BEND3: variants seen among roughly 807,000 people sequenced by gnomAD.
BEND3 encodes the protein BEN domain-containing protein 3.
Under a neutral mutation model 60.1 loss-of-function variants are expected in BEND3, and 13 were observed. The ratio of observed to expected loss-of-function variants is 0.22; its 90% CI spans 0.14 to 0.34. The LOEUF is 0.34. Among genes scored for constraint, BEND3 ranks in the 10% least tolerant of loss-of-function variants. BEND3 has a pLI of 1.00. For synonymous variants in BEND3, 497 were observed against 491.5 expected (o/e 1.01, Z -0.15); for missense variants, 896 against 1,138.1 (o/e 0.79, Z 3.06).
chr6:107,080,462 A>G (rs1026640476), intron 3 of BEND3, among the ~76,000 whole-genome samples: 3 of 152,066 alleles, frequency 2.0e-5, no homozygotes, highest in Admixed American at 6.6e-5. Context: ...GTCACCATAT[A>G]TATCTTAGAA....
intron 1 of BEND3, among the ~76,000 whole-genome samples, chr6:107,112,135 T>A (rs1770117232): frequency 6.6e-6 from 1 of 152,230 alleles, no homozygotes; most frequent in Admixed American, 6.5e-5. Context: ...TTTAAACTTT[T>A]CATCATGGTG....
At chr6:107,073,217 A>G (rs1178270826) in intron 3 of BEND3, among the ~76,000 whole-genome samples, 10 of 6,342 alleles carry the variant, frequency 1.6e-3, no homozygotes, top group Admixed American at 2.6e-3. Flanking sequence ...ATATATATAT[A>G]TATATATATA....
intron 3 of BEND3, among the ~76,000 whole-genome samples, chr6:107,078,041 T>C (rs1164214008): frequency 2.0e-5 from 3 of 152,222 alleles, no homozygotes; most frequent in African/African-American, 4.8e-5. Flanking sequence ...ATAAAAACTT[T>C]GGCTATGCAC....
intron 1 of BEND3, among the ~76,000 whole-genome samples, chr6:107,110,382 G>A (rs1775915173): frequency 6.6e-6 from 1 of 152,162 alleles, no homozygotes; most frequent in Non-Finnish European, 1.5e-5. Flanking sequence ...GGGAACTTGT[G>A]GCAGCTAATC....
intron 3 of BEND3, among the ~76,000 whole-genome samples, chr6:107,090,213 G>A (rs1255121583): frequency 1.3e-5 from 2 of 152,088 alleles, no homozygotes; most frequent in Non-Finnish European, 2.9e-5. Flanking sequence ...GCTGGGTGTG[G>A]TAGCATGTGC....
intron 3 of BEND3, 118 bp from the exon 4 acceptor site, chr6:107,071,068 G>T: frequency 1.1e-6 from 1 of 940,598 alleles, no homozygotes; most frequent in Non-Finnish European, 1.5e-6. Context: ...GTAAGAAACT[G>T]ATTCCTCACC....
chr6:107,099,846 CAG>C (rs781943665), intron 1 of BEND3, among the ~76,000 whole-genome samples: 9 of 149,972 alleles, frequency 6.0e-5, no homozygotes, highest in Non-Finnish European at 1.2e-4. Flanking sequence ...GACTTAGTAA[CAG>C]AAATGCAAAA....
rs1436331431 is a variant in BEND3, at chr6:107,066,137, C to T, written c.*2567G>A. On this transcript the variant is annotated 3_prime_UTR_variant, in exon 4 of 4. Transcript: ENST00000369042. ...AATCCAAAAAACAAACAACTAAAAA[C>T]CAAAGAATTTAGATGTGGGGGAAGG... 1.4e-5 allele frequency: 2 copies of T among 147,992 alleles called. No individual in the cohort carries two copies. The highest frequency in any genetic ancestry group is 3.0e-5 in the Non-Finnish European group (2 of 67,134). The allele number at this position is 147,992 out of a possible 1,614,324, so 9.2% of individuals were successfully genotyped here. A position where few individuals can be genotyped will look rare whatever the true frequency, so the allele number is the denominator to read the frequency against.
At chr6:107,099,322 G>A (rs531388288) in intron 1 of BEND3, 26 bp from the exon 2 acceptor site, 1 of 1,581,644 alleles carries the variant, frequency 6.3e-7, no homozygotes, top group Admixed American at 1.7e-5. Context: ...AAGACAATGT[G>A]TTGACTTATT....
At position 107,069,243 on chromosome 6, in the gene BEND3, G is replaced by C; in HGVS notation, c.1948C>G (p.Gln650Glu). The part of the protein sequence containing the change: ...DERCRRRDTE[Q>E]RRSYQQQRKV... ...CGCTGCTGCTGGTAGGAGCGCCTTT[G>C]CTCCGTGTCCCGGCGCCGGCAGCGC... Residue 650 changes from glutamine (Q) to glutamate (E), a missense_variant, in exon 4 of 4, where the codon CAA becomes GAA. By Grantham distance (29) the Gln-to-Glu change is conservative. This residue lies in a region of BEND3 where 846 missense variants were observed against 1,036.7 expected (regional missense o/e 0.82). Coordinates refer to ENST00000369042, the MANE Select transcript of BEND3 (RefSeq NM_001367314.1). 6.2e-7 allele frequency: 1 copy of C among 1,611,976 alleles called. No individual in the cohort carries two copies.
In BEND3 at chr6:107,069,200, C is replaced by G. The variant is rs1774901608; in HGVS notation, c.1991G>C (p.Gly664Ala). ...YQQQRKVHVP[G>A]PECRDLTSYA... ...GCTGGTCAAGTCTCTGCACTCAGGG[C>G]CCGGCACGTGGACCTTGCGCTGCTG... Residue 664 changes from glycine (G) to alanine (A), a missense_variant, in exon 4 of 4, where the codon GGC becomes GCC. Gly to Ala is a moderately conservative substitution (Grantham distance 60). Transcript: ENST00000369042. 1 of 1,612,388 alleles carries G rather than the reference C, an allele frequency of 6.2e-7. No individual in the cohort carries two copies. Among genetic ancestry groups the G allele is most frequent in the Non-Finnish European group, 8.5e-7 (1 of 1,180,018 alleles).
intron 3 of BEND3, among the ~76,000 whole-genome samples, chr6:107,079,558 C>G (rs1775180499): frequency 6.6e-6 from 1 of 152,152 alleles, no homozygotes; most frequent in African/African-American, 2.4e-5. Context: ...CACAGCCTGA[C>G]TGGTCTGTAT....
chr6:107,070,032 C>A lies in BEND3; in HGVS notation c.1159G>T (p.Ala387Ser), dbSNP rs557496798. The A allele has an allele frequency of 1.9e-6, 3 of 1,613,742 alleles. No individual in the cohort carries two copies. Among genetic ancestry groups the A allele is most frequent in the African/African-American group, 2.7e-5 (2 of 75,014 alleles). ...TGCGTGTCCACCACGTGGTCTGAGG[C>A]GATGGTGCTGCTCCGGTCAAGAGAC... ...ALSLDRSSTI[A>S]SDHVVDTQDL... is the part of the protein sequence containing the mutation. Residue 387 changes from alanine to serine, a missense_variant, in exon 4 of 4, where the codon GCC becomes TCC. Transcript: ENST00000369042. This position sits in a 1 kb window ranked among gnomAD's most constrained non-coding sequence, Gnocchi z 6.9.
intron 1 of BEND3, among the ~76,000 whole-genome samples, chr6:107,113,437 C>CAAAAAAAAAAA (rs1158122732): frequency 7.7e-5 from 1 of 13,064 alleles, no homozygotes; most frequent in African/African-American, 2.2e-4. Context: ...GACTCCGTCT[C>CAAAAAAAAAAA]AAAAAAAAAA....
chr6:107,078,289 G>A (rs1037591222), intron 3 of BEND3, among the ~76,000 whole-genome samples: 1 of 151,964 alleles, frequency 6.6e-6, no homozygotes, highest in Non-Finnish European at 1.5e-5. Flanking sequence ...AGAGAAGACA[G>A]GAGATGGTCT....
intron 1 of BEND3, among the ~76,000 whole-genome samples, chr6:107,107,946 C>T (rs777544685): frequency 9.9e-5 from 15 of 152,208 alleles, no homozygotes; most frequent in East Asian, 1.9e-4. Flanking sequence ...ACTCTGGTGC[C>T]GCGGGTCTCT....
At position 107,067,317 on chromosome 6, in the gene BEND3, T is replaced by A. The variant is rs1774853355; in HGVS notation, c.*1387A>T. 1 of 152,244 alleles carries A rather than the reference T, an allele frequency of 6.6e-6. No individual in the cohort carries two copies. Among genetic ancestry groups the A allele is most frequent in the South Asian group, 2.1e-4 (1 of 4,836 alleles). 9.4% of individuals were successfully genotyped at this position (152,244 alleles called of 1,614,324 possible). A position where few individuals can be genotyped will look rare whatever the true frequency, so the allele number is the denominator to read the frequency against. On this transcript the variant is annotated 3_prime_UTR_variant, in exon 4 of 4. Coordinates refer to ENST00000369042, the MANE Select transcript of BEND3 (RefSeq NM_001367314.1). ...GTATGACACACTGTTTGCATTCGAC[T>A]GTTTCCTTTCCCTCTTAAGCATTTG...
intron 3 of BEND3, among the ~76,000 whole-genome samples, chr6:107,088,055 G>A (rs1368013656): frequency 6.8e-6 from 1 of 146,842 alleles, no homozygotes; most frequent in African/African-American, 2.5e-5. Context: ...TCCCCTGCCT[G>A]GCTGAAATAC....
chr6:107,071,916 A>G (rs550248209), intron 3 of BEND3, among the ~76,000 whole-genome samples: 2 of 152,336 alleles, frequency 1.3e-5, no homozygotes, highest in South Asian at 2.1e-4. Flanking sequence ...TCAGTGGGTG[A>G]CAGATGTTTA....
Sources: gnomAD v4.1 joint callset for allele counts (sites outside exome capture counted in the v4.1 genomes callset) on GRCh38, gnomAD v4.1.1 for gene constraint, gnomAD v4.1.1 regional missense constraint, Gnocchi (gnomAD v3.1) non-coding constraint, MANE v1.5 for transcripts, NCBI Gene and HGNC (gene_info 2026-07-23, HGNC 2026-07-21) for gene names.